JPH1: variants seen among roughly 807,000 people sequenced by gnomAD.
JPH1 encodes the protein junctophilin 1.
In JPH1, 12 loss-of-function variants were observed where a neutral mutation model predicts 53.6. That is an observed-to-expected ratio of 0.22 (90% CI 0.14 to 0.36). The LOEUF (loss-of-function observed/expected upper bound fraction) is 0.36, where lower values mean the gene tolerates loss of function less well. JPH1 is among the 10% of genes least tolerant of loss of function. The probability of loss-of-function intolerance (pLI) is 1.00; values close to 1 mark genes in which losing one functional copy is unlikely to be tolerated. For missense variants in JPH1, 808 were observed against 905.5 expected, an observed-to-expected ratio of 0.89 and a Z score of 1.38; for synonymous variants, 375 against 363.8, an observed-to-expected ratio of 1.03 and a Z score of -0.35.
intron 1 of JPH1, among the ~76,000 whole-genome samples, chr8:74,317,682 G>A (rs1315040898): frequency 6.6e-6 from 1 of 152,158 alleles, no homozygotes; most frequent in Non-Finnish European, 1.5e-5. Flanking sequence ...TTTGTCTATA[G>A]TGACAAGTTA....
chr8:74,252,619 G>A (rs1159337914), intron 3 of JPH1, among the ~76,000 whole-genome samples: 1 of 152,054 alleles, frequency 6.6e-6, no homozygotes, highest in Non-Finnish European at 1.5e-5. Context: ...AAAGAGTCAA[G>A]ACCCATCAGT....
At chr8:74,257,896 C>A (rs1252252901) in intron 3 of JPH1, among the ~76,000 whole-genome samples, 1 of 152,108 alleles carries the variant, frequency 6.6e-6, no homozygotes, top group Non-Finnish European at 1.5e-5. Flanking sequence ...TTGGGTCCCT[C>A]CCCAGCCTTT....
At chr8:74,308,855 G>A (rs1376147927) in intron 2 of JPH1, among the ~76,000 whole-genome samples, 1 of 152,222 alleles carries the variant, frequency 6.6e-6, no homozygotes, top group Non-Finnish European at 1.5e-5. Context: ...CTTTCCAACA[G>A]AAAGCAAGCT....
At chr8:74,270,191 T>A (rs939893827) in intron 2 of JPH1, among the ~76,000 whole-genome samples, 3 of 152,176 alleles carry the variant, frequency 2.0e-5, no homozygotes, top group African/African-American at 7.2e-5. Context: ...TTCATCAAGG[T>A]TAGGCTTTAG....
rs1808297796 is a variant in JPH1 at position 74,320,856 on chromosome 8, G to C, written c.379+53C>G. On this transcript the variant is annotated intron_variant, in intron 1 of 5. Coordinates refer to ENST00000342232, the MANE Select transcript of JPH1 (RefSeq NM_020647.4). The surrounding 1 kb of genome is among the most constrained non-coding windows in gnomAD (Gnocchi z 4.4). The stretch of plus-strand genomic sequence containing the variant: ...TCCCCGCTTCCCCGCAGCCGGGGCA[G>C]AGCCCACCGCACCAGCTCGCGGAGC... 2 of 1,456,826 alleles carry C rather than the reference G, an allele frequency of 1.4e-6. No individual in the cohort carries two copies. Among genetic ancestry groups the C allele is most frequent in the South Asian group, 2.9e-5 (2 of 68,290 alleles). 90.2% of individuals were successfully genotyped at this position (1,456,826 alleles called of 1,614,324 possible). A position where few individuals can be genotyped will look rare whatever the true frequency, so the allele number is the denominator to read the frequency against.
chr8:74,244,937 C>T lies in JPH1; in HGVS notation c.1497G>A (p.Arg499=), dbSNP rs775152487. The change falls in exon 4 of 6, where the codon AGG becomes AGA. Residue 499 remains arginine (R), a synonymous_variant. Transcript: ENST00000342232. ...SSGARLNQDK[R]SVADEQVTAI... ...CCGTCACCTGCTCATCAGCCACACT[C>T]CTTTTGTCTTGGTTGAGTCTCGCCC... The T allele has an allele frequency of 3.1e-6, 5 of 1,614,010 alleles. No individual in the cohort carries two copies. In the Admixed American group the frequency reaches 8.3e-5, roughly 27 times the overall value.
In JPH1 at chr8:74,263,296, T is replaced by C. The variant is rs190646301; in HGVS notation, c.1140-3793A>G. 6.8e-3 allele frequency among the ~76,000 whole-genome samples: 1,041 copies of C among 152,344 alleles called. 6 individuals carry two copies. The highest frequency in any genetic ancestry group is 0.012 in the Non-Finnish European group (783 of 68,030). ...ACAATAAACTGCTTCAAAATTGTGCTGATTTTGATGTTTTTAAAAATCTGT... is the reference window on the plus strand; with the variant it reads ...ACAATAAACTGCTTCAAAATTGTGCCGATTTTGATGTTTTTAAAAATCTGT... On this transcript the variant is annotated intron_variant, in intron 2 of 5. Transcript: ENST00000342232.
At chr8:74,279,677 C>T (rs555749724) in intron 2 of JPH1, among the ~76,000 whole-genome samples, 4 of 152,270 alleles carry the variant, frequency 2.6e-5, no homozygotes, top group African/African-American at 9.6e-5. Context: ...ACTTCTTATA[C>T]AAAAATCTAA....
intron 2 of JPH1, among the ~76,000 whole-genome samples, chr8:74,289,546 C>T (rs549064205): frequency 6.6e-6 from 1 of 152,260 alleles, no homozygotes; most frequent in East Asian, 1.9e-4. Context: ...CTTTTCTCAT[C>T]CTCTTTGCTC....
intron 4 of JPH1, among the ~76,000 whole-genome samples, chr8:74,242,786 A>G (rs957685812): frequency 2.0e-5 from 3 of 152,230 alleles, no homozygotes; most frequent in Non-Finnish European, 4.4e-5. Flanking sequence ...CTTGGGGTGT[A>G]GAGGGGTACC....
At chr8:74,296,958 T>C (rs192756828) in intron 2 of JPH1, among the ~76,000 whole-genome samples, 9 of 152,320 alleles carry the variant, frequency 5.9e-5, no homozygotes, top group Admixed American at 1.3e-4. Context: ...ATGCAAGCTA[T>C]GATTTTGCAG....
At chr8:74,295,624 A>G (rs1807483646) in intron 2 of JPH1, among the ~76,000 whole-genome samples, 1 of 152,188 alleles carries the variant, frequency 6.6e-6, no homozygotes, top group Non-Finnish European at 1.5e-5. Context: ...CAGATCTCAT[A>G]GACAACACTT....
intron 2 of JPH1, among the ~76,000 whole-genome samples, chr8:74,305,665 CCA>C (rs925461672): frequency 5.9e-5 from 9 of 152,188 alleles, no homozygotes; most frequent in African/African-American, 2.2e-4. Context: ...GTTTTCCCTT[CCA>C]GTCTTCAGTG....
At chr8:74,284,003 C>T (rs1303187931) in intron 2 of JPH1, among the ~76,000 whole-genome samples, 1 of 152,130 alleles carries the variant, frequency 6.6e-6, no homozygotes, top group Non-Finnish European at 1.5e-5. Context: ...CCAGGAGATT[C>T]AAGGGGTGGC....
chr8:74,279,019 ACAG>A (rs944538068), intron 2 of JPH1, among the ~76,000 whole-genome samples: 8 of 152,046 alleles, frequency 5.3e-5, no homozygotes, highest in Non-Finnish European at 2.9e-5. Context: ...ATACACACAC[ACAG>A]CATCATTTTA....
At chr8:74,292,604 TGAAGATATTTTAATAATCTTAACACA>T (rs1269765239) in intron 2 of JPH1, among the ~76,000 whole-genome samples, 1 of 152,070 alleles carries the variant, frequency 6.6e-6, no homozygotes, top group Non-Finnish European at 1.5e-5. Flanking sequence ...ACGGGTAAAA[TGAAGATATTTTAATAATCTTAACACA>T]GACGTTTCAC....
In JPH1 at chr8:74,315,599, G is replaced by A; in HGVS notation, c.401C>T (p.Ala134Val). Residue 134 changes from alanine to valine, a missense_variant, in exon 2 of 6, where the codon GCC (alanine) becomes GTC (valine). By Grantham distance (64) the Ala-to-Val change is moderately conservative. Around this residue, in one of 2 missense-constraint regions of JPH1, gnomAD observed 756 missense variants for 811.9 expected, o/e 0.93. Coordinates refer to ENST00000342232, the MANE Select transcript of JPH1 (RefSeq NM_020647.4). This position sits in a 1 kb window ranked among gnomAD's most constrained non-coding sequence, Gnocchi z 6.3. Reference protein sequence around the residue: ...GDGGTYQGQWAGGMRHGYGVR... With the variant: ...GDGGTYQGQWVGGMRHGYGVR... Reference sequence around the variant, plus strand: ...GCCGTAGCCATGCCGCATGCCTCCGGCCCACTGGCCCTGGTAGGTACCTTG... The same window carrying A: ...GCCGTAGCCATGCCGCATGCCTCCGACCCACTGGCCCTGGTAGGTACCTTG... 1 of 1,601,760 alleles carries A rather than the reference G, an allele frequency of 6.2e-7. No homozygotes were observed. Among genetic ancestry groups the A allele is most frequent in the Non-Finnish European group, 8.5e-7 (1 of 1,177,680 alleles).
At chr8:74,286,570 TC>T (rs10538598) in intron 2 of JPH1, among the ~76,000 whole-genome samples, 3 of 152,162 alleles carry the variant, frequency 2.0e-5, no homozygotes, top group Non-Finnish European at 2.9e-5. Flanking sequence ...CTGATCCCTC[TC>T]TTCCCCACTA....
intron 2 of JPH1, among the ~76,000 whole-genome samples, chr8:74,278,360 T>C (rs1806910599): frequency 6.6e-6 from 1 of 152,162 alleles, no homozygotes; most frequent in African/African-American, 2.4e-5. Context: ...CATGGCACTG[T>C]CTTTCCCATA....
Sources: gnomAD v4.1 joint callset for allele counts (sites outside exome capture counted in the v4.1 genomes callset) on GRCh38, gnomAD v4.1.1 for gene constraint, gnomAD v4.1.1 regional missense constraint, Gnocchi (gnomAD v3.1) non-coding constraint, MANE v1.5 for transcripts, NCBI Gene and HGNC (gene_info 2026-07-23, HGNC 2026-07-21) for gene names.